Variants in CSRNP3 observed in about 807,000 individuals in gnomAD.
The protein encoded by CSRNP3 is cysteine/serine-rich nuclear protein 3.
CSRNP3 carries 12 observed loss-of-function variants against 48.0 expected under a neutral mutation model. That is an observed-to-expected ratio of 0.25 (90% CI 0.16 to 0.41). CSRNP3 has a LOEUF of 0.41. Ranked by LOEUF, CSRNP3 falls within the 10% of genes least tolerant of loss-of-function variation. CSRNP3 has a pLI of 1.00. For missense variants in CSRNP3, 580 were observed against 724.4 expected, an observed-to-expected ratio of 0.80 and a Z score of 2.29; for synonymous variants, 263 against 269.7, an observed-to-expected ratio of 0.98 and a Z score of 0.24.
intron 3 of CSRNP3, 55 bp downstream of exon 3, chr2:165,518,016 T>G (rs1684603447): frequency 6.6e-6 from 1 of 152,386 alleles, no homozygotes; most frequent in African/African-American, 2.4e-5. Context: ...GGATATAATC[T>G]GTGCATCTGT....
Position 165,595,166 on chromosome 2 carries a change from C to G in CSRNP3, c.101C>G (p.Ala34Gly). ...GATGAAGTTTCCAGCAGTGAAAGTG[C>G]TGACAGTGGGGACAGTGTCAATCCA... ...SDDEVSSSES[A>G]DSGDSVNPST... is the part of the protein sequence containing the mutation. Residue 34 changes from alanine to glycine, a missense_variant, in exon 4 of 7, where the codon GCT (alanine) becomes GGT (glycine). Ala to Gly is a moderately conservative substitution (Grantham distance 60, BLOSUM62 0). This residue lies in a region of CSRNP3 where 83 missense variants were observed against 139.6 expected (regional missense o/e 0.59). Coordinates refer to ENST00000651982, the MANE Select transcript of CSRNP3 (RefSeq NM_001172173.2). 6.2e-7 allele frequency: 1 copy of G among 1,614,160 alleles called. No homozygotes were observed. The highest frequency in any genetic ancestry group is 8.5e-7 in the Non-Finnish European group (1 of 1,179,996).
chr2:165,549,518 C>T (rs1685071726), intron 3 of CSRNP3, among the ~76,000 whole-genome samples: 1 of 151,984 alleles, frequency 6.6e-6, no homozygotes, highest in African/African-American at 2.4e-5. Flanking sequence ...CTTACCCAAC[C>T]CTATTTAAGC....
intron 3 of CSRNP3, among the ~76,000 whole-genome samples, chr2:165,553,394 G>C (rs1375237199): frequency 1.3e-5 from 2 of 152,096 alleles, no homozygotes; most frequent in East Asian, 3.9e-4. Context: ...GTATATGCCT[G>C]GTATGACCCC....
intron 3 of CSRNP3, among the ~76,000 whole-genome samples, chr2:165,538,283 T>A (rs899626361): frequency 8.6e-5 from 13 of 152,014 alleles, no homozygotes; most frequent in African/African-American, 2.9e-4. Context: ...TACTACTACA[T>A]ACCACCCTGT....
intron 2 of CSRNP3, among the ~76,000 whole-genome samples, chr2:165,499,218 T>C (rs967854028): frequency 4.6e-5 from 7 of 152,158 alleles, no homozygotes; most frequent in Non-Finnish European, 8.8e-5. Flanking sequence ...ATACCAGAGA[T>C]TGACTTGCTT....
At chr2:165,577,240 TATA>T (rs777962571) in intron 3 of CSRNP3, among the ~76,000 whole-genome samples, 1 of 151,842 alleles carries the variant, frequency 6.6e-6, no homozygotes, top group South Asian at 2.1e-4. Context: ...TCTATTTTAA[TATA>T]ATATTTTAAA....
At chr2:165,577,923 C>G (rs929384373) in intron 3 of CSRNP3, among the ~76,000 whole-genome samples, 1 of 151,846 alleles carries the variant, frequency 6.6e-6, no homozygotes, top group African/African-American at 2.4e-5. Flanking sequence ...TAGGAACACA[C>G]AAAATAAGCA....
chr2:165,584,027 T>A (rs1016421191), intron 3 of CSRNP3, among the ~76,000 whole-genome samples: 1 of 152,142 alleles, frequency 6.6e-6, no homozygotes, highest in Admixed American at 6.5e-5. Flanking sequence ...CTTGTATAAA[T>A]AGGATGAACA....
intron 3 of CSRNP3, among the ~76,000 whole-genome samples, chr2:165,533,369 T>C (rs1036234833): frequency 7.9e-5 from 12 of 152,100 alleles, no homozygotes; most frequent in Admixed American, 3.9e-4. Context: ...AATCTCAAAT[T>C]GATGGAGGAG....
chr2:165,666,430 AAGAC>A lies in CSRNP3; in HGVS notation c.408+8414_408+8417del, dbSNP rs1260716302. ...GAGGAAAGAGAGAGAGGAAGAAAGA[AAGAC>A]AGAGAGGAAGGAAGGGAGGAAAGAG... On this transcript the variant is annotated intron_variant, in intron 5 of 6. Coordinates refer to ENST00000651982, the MANE Select transcript of CSRNP3 (RefSeq NM_001172173.2). 5.7e-4 allele frequency among the ~76,000 whole-genome samples: 25 copies of A among 43,952 alleles called. 6 individuals are homozygous for A. The highest frequency in any genetic ancestry group is 1.4e-3 in the African/African-American group (25 of 17,244). 28.8% of individuals were successfully genotyped at this position (43,952 alleles called of 152,430 possible).
In CSRNP3 at chr2:165,680,660, TG is replaced by T. The variant is rs569653027; in HGVS notation, c.*911del. The T allele has an allele frequency of 2.7e-3, 416 of 152,324 alleles. 1 individual carries two copies. Among genetic ancestry groups the T allele is most frequent in the African/African-American group, 9.8e-3 (404 of 41,414 alleles). 9.4% of individuals were successfully genotyped at this position (152,324 alleles called of 1,614,324 possible). A position where few individuals can be genotyped will look rare whatever the true frequency, so the allele number is the denominator to read the frequency against. On this transcript the variant is annotated 3_prime_UTR_variant, in exon 7 of 7. Coordinates refer to ENST00000651982, the MANE Select transcript of CSRNP3 (RefSeq NM_001172173.2). Reference sequence around the variant, plus strand: ...CCCCTTCACGGTACCTCGTGTGGGGTGGGGACTGAGAACTCTTTGAGATGAA... The same window carrying T: ...CCCCTTCACGGTACCTCGTGTGGGGTGGGACTGAGAACTCTTTGAGATGAA...
At chr2:165,616,646 T>C (rs1686249531) in intron 4 of CSRNP3, among the ~76,000 whole-genome samples, 1 of 152,202 alleles carries the variant, frequency 6.6e-6, no homozygotes, top group Non-Finnish European at 1.5e-5. Flanking sequence ...AGATTCCCTT[T>C]TATATGAATT....
intron 4 of CSRNP3, among the ~76,000 whole-genome samples, chr2:165,608,934 CAAAAA>C (rs33952227): frequency 2.6e-5 from 2 of 75,590 alleles, no homozygotes; most frequent in African/African-American, 5.6e-5. Flanking sequence ...ACTAAAAATA[CAAAAA>C]AAAAAAAAAA....
At chr2:165,566,765 C>A (rs1357193700) in intron 3 of CSRNP3, 1 of 151,758 alleles carries the variant, frequency 6.6e-6, no homozygotes. Context: ...TTATATCTAT[C>A]CCTGCCTCTA....
At chr2:165,651,279 A>G (rs13001860) in intron 4 of CSRNP3, among the ~76,000 whole-genome samples, 7,357 of 152,314 alleles carry the variant, frequency 0.048, 248 homozygotes, top group Non-Finnish European at 0.071. Context: ...TAAAATTGAC[A>G]AGTCAGGCAG....
intron 4 of CSRNP3, among the ~76,000 whole-genome samples, chr2:165,606,564 A>G (rs975177302): frequency 6.6e-6 from 1 of 152,122 alleles, no homozygotes; most frequent in Non-Finnish European, 1.5e-5. Flanking sequence ...ATTGACAAGC[A>G]TGTGCTGAAG....
intron 2 of CSRNP3, among the ~76,000 whole-genome samples, chr2:165,496,785 TG>T (rs200758369): frequency 6.6e-6 from 1 of 152,130 alleles, no homozygotes. Context: ...CCCGTGATTT[TG>T]TTTTTTTAAA....
intron 4 of CSRNP3, among the ~76,000 whole-genome samples, chr2:165,628,802 C>T (rs549663386): frequency 7.2e-5 from 11 of 152,070 alleles, no homozygotes; most frequent in Admixed American, 1.3e-4. Flanking sequence ...CACAGTGGCT[C>T]GTGCCTGTAA....
intron 1 of CSRNP3, among the ~76,000 whole-genome samples, chr2:165,489,680 G>T (rs1338355225): frequency 8.2e-6 from 1 of 121,882 alleles, no homozygotes; most frequent in Non-Finnish European, 1.7e-5. Flanking sequence ...CATATAAACA[G>T]AGCCAAAGAC....
Sources: allele counts gnomAD v4.1 joint callset (sites outside exome capture counted in the v4.1 genomes callset), GRCh38; gene constraint gnomAD v4.1.1; regional missense constraint gnomAD v4.1.1; transcripts MANE v1.5; gene names NCBI Gene and HGNC (gene_info 2026-07-23, HGNC 2026-07-21).